The following AFAP1L1 variants were observed in gnomAD, a reference collection of about 807,000 sequenced individuals.
AFAP1L1 encodes the protein actin filament associated protein 1 like 1.
Under a neutral mutation model 99.8 loss-of-function variants are expected in AFAP1L1, and 77 were observed. The ratio of observed to expected loss-of-function variants is 0.77; its 90% CI spans 0.64 to 0.93. The LOEUF (loss-of-function observed/expected upper bound fraction) is 0.93, where lower values mean the gene tolerates loss of function less well. AFAP1L1 is among the 40% of genes least tolerant of loss of function. AFAP1L1 has a pLI of 0.00. For missense variants in AFAP1L1, 893 were observed against 996.8 expected, an observed-to-expected ratio of 0.90 and a Z score of 1.40; for synonymous variants, 373 against 395.3, an observed-to-expected ratio of 0.94 and a Z score of 0.67.
intron 1 of AFAP1L1, among the ~76,000 whole-genome samples, chr5:149,295,766 C>T (rs961705225): frequency 1.3e-5 from 2 of 152,150 alleles, no homozygotes; most frequent in Non-Finnish European, 2.9e-5. Context: ...GAGGGAGTTG[C>T]CTGGGGGCAG....
chr5:149,275,738 C>T (rs182222949), intron 1 of AFAP1L1, among the ~76,000 whole-genome samples: 1 of 151,996 alleles, frequency 6.6e-6, no homozygotes, highest in South Asian at 2.1e-4. Context: ...CATCTCCTGA[C>T]CTCGTGATCC....
chr5:149,316,335 C>G, intron 11 of AFAP1L1, 32 bp downstream of exon 11: 1 of 1,605,014 alleles, frequency 6.2e-7, no homozygotes, highest in Non-Finnish European at 8.5e-7. Context: ...GAAGGGTGCT[C>G]AGGTCCTGTG....
In AFAP1L1 at chr5:149,316,173, G is replaced by A. The variant is rs917155171; in HGVS notation, c.1137G>A (p.Leu379=). 1.2e-6 allele frequency: 2 copies of A among 1,613,956 alleles called. No homozygotes were observed. The highest frequency in any genetic ancestry group is 1.7e-5 in the Admixed American group (1 of 60,000). Residue 379 remains leucine, a synonymous_variant, in exon 11 of 19, where the codon CTG becomes CTA. Transcript: ENST00000296721. ...CDHGKGKKSS[L]AELKGSMSRA... is the part of the protein sequence containing the mutation. ...CAGGCAAAGGGAAGAAGAGCAGCCT[G>A]GCAGAACTGAAGGGCTCAATGAGCA...
intron 3 of AFAP1L1, among the ~76,000 whole-genome samples, chr5:149,300,634 T>C (rs538413783): frequency 7.0e-4 from 106 of 152,326 alleles, no homozygotes; most frequent in Middle Eastern, 3.4e-3. Flanking sequence ...CACTCCCAGG[T>C]GATTGCCACT....
At chr5:149,291,524 C>CAAAAAAAAAAAAAA (rs1229134807) in intron 1 of AFAP1L1, among the ~76,000 whole-genome samples, 2 of 13,394 alleles carry the variant, frequency 1.5e-4, no homozygotes, top group African/African-American at 2.3e-4. Context: ...GACTCCGTCT[C>CAAAAAAAAAAAAAA]AAAAAAAAAA....
intron 14 of AFAP1L1, among the ~76,000 whole-genome samples, chr5:149,321,540 A>G (rs1283924907): frequency 1.3e-5 from 2 of 151,226 alleles, no homozygotes; most frequent in Non-Finnish European, 3.0e-5. Flanking sequence ...CAGCCTGGCC[A>G]ACATGGTGAA....
Position 149,341,048 on chromosome 5 carries a change from C to G in AFAP1L1, c.*1018C>G, listed in dbSNP as rs1381556617. 5 of 152,204 alleles carry G rather than the reference C, an allele frequency of 3.3e-5. No homozygotes were observed. The highest frequency in any genetic ancestry group is 7.3e-5 in the Non-Finnish European group (5 of 68,042). 9.4% of individuals were successfully genotyped at this position (152,204 alleles called of 1,614,324 possible). On this transcript the variant is annotated 3_prime_UTR_variant, in exon 19 of 19. Transcript: ENST00000296721. ...ACTTCTATAGAGGGACCAAGGACCTCAAGTCCTGGGCAGTCTCCTTACTGT... is the reference window on the plus strand; with the variant it reads ...ACTTCTATAGAGGGACCAAGGACCTGAAGTCCTGGGCAGTCTCCTTACTGT...
At chr5:149,297,322 A>AC (rs926337444) in intron 1 of AFAP1L1, among the ~76,000 whole-genome samples, 3 of 151,682 alleles carry the variant, frequency 2.0e-5, no homozygotes, top group Non-Finnish European at 4.4e-5. Flanking sequence ...GCAAGCAGTG[A>AC]CCCCCCAGAG....
intron 1 of AFAP1L1, among the ~76,000 whole-genome samples, chr5:149,275,070 A>C (rs1362001272): frequency 6.6e-6 from 1 of 152,178 alleles, no homozygotes; most frequent in Non-Finnish European, 1.5e-5. Flanking sequence ...ACACATTGGT[A>C]TTCACGATAA....
chr5:149,325,744 G>A (rs1270363899), intron 15 of AFAP1L1, among the ~76,000 whole-genome samples: 1 of 152,212 alleles, frequency 6.6e-6, no homozygotes, highest in Non-Finnish European at 1.5e-5. Context: ...TAGTCTGGAG[G>A]CTGGAAAATC....
intron 15 of AFAP1L1, among the ~76,000 whole-genome samples, chr5:149,324,940 A>T (rs1426952795): frequency 6.6e-6 from 1 of 152,194 alleles, no homozygotes; most frequent in Non-Finnish European, 1.5e-5. Flanking sequence ...ACACTCTGTC[A>T]TTCTCCAATA....
chr5:149,330,262 C>T lies in AFAP1L1; in HGVS notation c.1975+432C>T, dbSNP rs114342624. ...CATGACACTTTCCCAGGATCCTCTT[C>T]TGAAACCCAGGGACCTCAGCAGGCC... On this transcript the variant is annotated intron_variant, in intron 16 of 18. Coordinates refer to ENST00000296721, the MANE Select transcript of AFAP1L1 (RefSeq NM_152406.4). 6.5e-3 allele frequency among the ~76,000 whole-genome samples: 997 copies of T among 152,356 alleles called. 15 individuals are homozygous for T. The highest frequency in any genetic ancestry group is 0.023 in the African/African-American group (968 of 41,586).
At chr5:149,296,947 A>C (rs1293423630) in intron 1 of AFAP1L1, among the ~76,000 whole-genome samples, 2 of 152,084 alleles carry the variant, frequency 1.3e-5, no homozygotes, top group Non-Finnish European at 2.9e-5. Flanking sequence ...CCCCTTATAA[A>C]ACCATCAGGT....
At position 149,342,095 on chromosome 5, in the gene AFAP1L1, T is replaced by A. The variant is rs1757574587; in HGVS notation, c.*2065T>A. On this transcript the variant is annotated 3_prime_UTR_variant, in exon 19 of 19. Coordinates refer to ENST00000296721, the MANE Select transcript of AFAP1L1 (RefSeq NM_152406.4). ...CTTCACAGGCATGCAACCTGTGCAG[T>A]CACACAGGGCCCCATGCTTAGAAGG... is the stretch of plus-strand genomic sequence containing the variant. 6.6e-6 allele frequency among the ~76,000 whole-genome samples: 1 copy of A among 152,186 alleles called. No individual in the cohort carries two copies. Among genetic ancestry groups the A allele is most frequent in the Admixed American group, 6.5e-5 (1 of 15,292 alleles).
chr5:149,289,217 C>T (rs901506482), intron 1 of AFAP1L1, among the ~76,000 whole-genome samples: 8 of 152,188 alleles, frequency 5.3e-5, no homozygotes, highest in African/African-American at 1.9e-4. Flanking sequence ...GTCCCAAATT[C>T]TTCCCACTAT....
intron 14 of AFAP1L1, among the ~76,000 whole-genome samples, chr5:149,321,154 T>A (rs1756941618): frequency 6.6e-6 from 1 of 152,228 alleles, no homozygotes; most frequent in Non-Finnish European, 1.5e-5. Flanking sequence ...CAGTGCTGCA[T>A]GACACACTGA....
At chr5:149,312,406 C>A in intron 9 of AFAP1L1, 1 of 642,724 alleles carries the variant, frequency 1.6e-6, no homozygotes, top group Admixed American at 2.1e-5. Flanking sequence ...TGCTTATGCC[C>A]AAAGTGCAGT....
At chr5:149,288,848 G>A (rs1416977459) in intron 1 of AFAP1L1, among the ~76,000 whole-genome samples, 1 of 152,156 alleles carries the variant, frequency 6.6e-6, no homozygotes, top group East Asian at 1.9e-4. Context: ...CCTGGTGGAG[G>A]ACAAGAACCT....
chr5:149,313,718 C>A (rs1756709105), intron 9 of AFAP1L1, among the ~76,000 whole-genome samples: 1 of 152,236 alleles, frequency 6.6e-6, no homozygotes, highest in African/African-American at 2.4e-5. Flanking sequence ...CAAATAGTCA[C>A]ACGGACTTAT....
Sources: gnomAD v4.1 joint callset for allele counts (sites outside exome capture counted in the v4.1 genomes callset) on GRCh38, gnomAD v4.1.1 for gene constraint, MANE v1.5 for transcripts, NCBI Gene and HGNC (gene_info 2026-07-23, HGNC 2026-07-21) for gene names.